Variants in TSG101 observed in about 807,000 individuals in gnomAD.
The protein encoded by TSG101 is tumor susceptibility 101, also known as tumor susceptibility gene 101 protein.
TSG101 carries 19 observed loss-of-function variants against 48.5 expected under a neutral mutation model. That is an observed-to-expected ratio of 0.39 (90% CI 0.27 to 0.58). The LOEUF is 0.58. Among genes scored for constraint, TSG101 ranks in the 20% least tolerant of loss-of-function variants. TSG101 has a pLI of 0.55. For synonymous variants in TSG101, 174 were observed against 169.4 expected (o/e 1.03, Z -0.21); for missense variants, 365 against 484.4 (o/e 0.75, Z 2.31).
At chr11:18,513,681 G>C (rs1478947703) in intron 4 of TSG101, among the ~76,000 whole-genome samples, 1 of 152,118 alleles carries the variant, frequency 6.6e-6, no homozygotes, top group Non-Finnish European at 1.5e-5. Flanking sequence ...AGCAACTTTT[G>C]TCTTTTCAGC....
At chr11:18,494,870 G>T (rs1849750922) in intron 7 of TSG101, among the ~76,000 whole-genome samples, 1 of 152,126 alleles carries the variant, frequency 6.6e-6, no homozygotes, top group African/African-American at 2.4e-5. Flanking sequence ...AGACAGTCAA[G>T]AAAAACTTGT....
intron 6 of TSG101, among the ~76,000 whole-genome samples, chr11:18,505,697 GGATA>G (rs1276501982): frequency 1.3e-5 from 2 of 152,136 alleles, no homozygotes; most frequent in Admixed American, 1.3e-4. Context: ...ATTACTAAAT[GGATA>G]ATAAAGGTTG....
At chr11:18,503,998 G>A (rs186894811) in intron 6 of TSG101, among the ~76,000 whole-genome samples, 1 of 152,164 alleles carries the variant, frequency 6.6e-6, no homozygotes, top group East Asian at 1.9e-4. Context: ...GAGTCCAGGA[G>A]TTCAAGGCAA....
rs540425274 is a variant in TSG101, at chr11:18,516,258, T to A, written c.128-94A>T. 8.3e-4 allele frequency: 910 copies of A among 1,090,228 alleles called. 3 individuals are homozygous for A. The highest frequency in any genetic ancestry group is 7.4e-4 in the Non-Finnish European group (546 of 734,202). The allele number at this position is 1,090,228 out of a possible 1,614,324, so 67.5% of individuals were successfully genotyped here. A position where few individuals can be genotyped will look rare whatever the true frequency, so the allele number is the denominator to read the frequency against. On this transcript the variant is annotated intron_variant, in intron 2 of 9. Coordinates refer to ENST00000251968, the MANE Select transcript of TSG101 (RefSeq NM_006292.4). The stretch of plus-strand genomic sequence containing the variant: ...AAAGACTGGTTAAAATTCATCATTA[T>A]CCTTGAAAGGGGCTGACCTGTCAAT...
At chr11:18,489,351 C>T (rs1252928750) in intron 7 of TSG101, among the ~76,000 whole-genome samples, 2 of 152,070 alleles carry the variant, frequency 1.3e-5, no homozygotes, top group South Asian at 2.1e-4. Flanking sequence ...CCTCCTGCCT[C>T]GGCCTCCCAA....
At chr11:18,524,487 A>G (rs1850333218) in intron 1 of TSG101, among the ~76,000 whole-genome samples, 1 of 152,248 alleles carries the variant, frequency 6.6e-6, no homozygotes, top group Non-Finnish European at 1.5e-5. Context: ...ACACCAGCTG[A>G]AAGGAAAACA....
At chr11:18,506,189 G>A (rs893067893) in intron 6 of TSG101, among the ~76,000 whole-genome samples, 3 of 152,052 alleles carry the variant, frequency 2.0e-5, no homozygotes, top group African/African-American at 7.2e-5. Flanking sequence ...TCAATCTACA[G>A]AAAAGCAGCT....
At chr11:18,519,456 A>T in intron 2 of TSG101, 63 bp downstream of exon 2, 1 of 1,339,678 alleles carries the variant, frequency 7.5e-7, no homozygotes, top group Admixed American at 2.0e-5. Context: ...AAAAAATTAC[A>T]ATCATTAACA....
At chr11:18,508,739 TAAAAAGG>T (rs1255406853) in intron 5 of TSG101, 9 of 151,602 alleles carry the variant, frequency 5.9e-5, no homozygotes, top group African/African-American at 2.2e-4. Flanking sequence ...AAGAATGGAT[TAAAAAGG>T]AAAAAGTATA....
intron 7 of TSG101, among the ~76,000 whole-genome samples, chr11:18,495,074 A>C (rs1849753075): frequency 6.6e-6 from 1 of 152,188 alleles, no homozygotes; most frequent in South Asian, 2.1e-4. Flanking sequence ...CAAAGGTAAA[A>C]CTGGTCCCTG....
At chr11:18,483,311 A>G (rs771713264) in intron 8 of TSG101, among the ~76,000 whole-genome samples, 126 of 152,046 alleles carry the variant, frequency 8.3e-4, no homozygotes, top group Non-Finnish European at 1.6e-3. Context: ...CCTGGCCAAC[A>G]TGGTGATACC....
At chr11:18,517,949 T>A (rs760815669) in intron 2 of TSG101, among the ~76,000 whole-genome samples, 19 of 152,242 alleles carry the variant, frequency 1.2e-4, no homozygotes, top group Non-Finnish European at 2.1e-4. Flanking sequence ...TAAAAGTATT[T>A]GTTAACAATG....
chr11:18,516,093 A>G lies in TSG101; in HGVS notation c.193+6T>C. 1 of 1,612,750 alleles carries G rather than the reference A, an allele frequency of 6.2e-7. No individual in the cohort carries two copies. Among genetic ancestry groups the G allele is most frequent in the Non-Finnish European group, 8.5e-7 (1 of 1,179,252 alleles). ...ATCTATGCTGGAAACCTAATAAGAC[A>G]TTTACCTCTATAAGGCACAGGGATT... On this transcript the variant is annotated splice_donor_region_variant and intron_variant, in intron 3 of 9. Coordinates refer to ENST00000251968, the MANE Select transcript of TSG101 (RefSeq NM_006292.4).
intron 7 of TSG101, chr11:18,490,800 C>G: frequency 1.9e-6 from 1 of 532,410 alleles, no homozygotes; most frequent in Non-Finnish European, 3.8e-6. Flanking sequence ...CAGCGGGCAC[C>G]AACCATGTTC....
At chr11:18,518,438 C>T (rs1318214529) in intron 2 of TSG101, among the ~76,000 whole-genome samples, 3 of 152,050 alleles carry the variant, frequency 2.0e-5, no homozygotes, top group Admixed American at 6.6e-5. Flanking sequence ...TTCCCTCGGC[C>T]CTGGCATATT....
chr11:18,510,329 G>C (rs896000116), intron 4 of TSG101, among the ~76,000 whole-genome samples: 3 of 152,170 alleles, frequency 2.0e-5, no homozygotes, highest in Non-Finnish European at 2.9e-5. Context: ...GCTGAGGCAA[G>C]AGAATTGCTT....
At chr11:18,523,353 A>G (rs1850311066) in intron 1 of TSG101, among the ~76,000 whole-genome samples, 1 of 152,034 alleles carries the variant, frequency 6.6e-6, no homozygotes, top group Admixed American at 6.6e-5. Flanking sequence ...TCACTTTCCA[A>G]CGTACTTCTT....
At chr11:18,518,665 T>C (rs893372916) in intron 2 of TSG101, among the ~76,000 whole-genome samples, 1 of 152,084 alleles carries the variant, frequency 6.6e-6, no homozygotes, top group Non-Finnish European at 1.5e-5. Context: ...CAGTCCAGAG[T>C]ATAGTTTCGC....
chr11:18,523,562 G>T (rs1452099553), intron 1 of TSG101, among the ~76,000 whole-genome samples: 1 of 152,076 alleles, frequency 6.6e-6, no homozygotes, highest in Admixed American at 6.5e-5. Context: ...GAGTGCAGTG[G>T]CGTGATCTCA....
Sources: allele counts gnomAD v4.1 joint callset (sites outside exome capture counted in the v4.1 genomes callset), GRCh38; gene constraint gnomAD v4.1.1; transcripts MANE v1.5; gene names NCBI Gene and HGNC (gene_info 2026-07-23, HGNC 2026-07-21).